SORL1: variants seen among roughly 807,000 people sequenced by gnomAD.
SORL1 encodes sortilin-related receptor.
A neutral mutation model predicts 273.7 loss-of-function variants in SORL1; 127 were observed. That is an observed-to-expected ratio of 0.46 (90% CI 0.40 to 0.54). SORL1 has a LOEUF of 0.54. Among genes scored for constraint, SORL1 ranks in the 20% least tolerant of loss-of-function variants. SORL1 has a pLI of 0.00. For missense variants in SORL1, 2,494 were observed against 2,846.1 expected (o/e 0.88, Z 2.81); for synonymous variants, 1,031 against 1,067.4 (o/e 0.97, Z 0.66).
chr11:121,550,174 A>G lies in SORL1; in HGVS notation c.2180+86A>G. ...CATAGAGGACCGTCTGGATTGCTCT[A>G]CACTCGAAATTCTAGAATTCCAAGT... On this transcript the variant is annotated intron_variant, in intron 15 of 47. Coordinates refer to ENST00000260197, the MANE Select transcript of SORL1 (RefSeq NM_003105.6). This position sits in a 1 kb window ranked among gnomAD's most constrained non-coding sequence, Gnocchi z 5.3. 2.2e-6 allele frequency: 3 copies of G among 1,367,916 alleles called. No individual in the cohort carries two copies. The highest frequency in any genetic ancestry group is 3.0e-6 in the Non-Finnish European group (3 of 1,012,820). The allele number at this position is 1,367,916 out of a possible 1,614,324, so 84.7% of individuals were successfully genotyped here.
intron 27 of SORL1, among the ~76,000 whole-genome samples, chr11:121,587,448 G>A (rs1485056403): frequency 2.6e-5 from 4 of 152,184 alleles, no homozygotes; most frequent in Non-Finnish European, 4.4e-5. Context: ...CATTCCTGGT[G>A]TCTCTCTCTT....
chr11:121,586,442 A>G (rs1348813165), intron 27 of SORL1, 113 bp downstream of exon 27: 3 of 818,646 alleles, frequency 3.7e-6, no homozygotes, highest in South Asian at 2.8e-5. Flanking sequence ...GTTAGCTTTT[A>G]ACTGAGTTGA....
chr11:121,541,000 G>A (rs1381530714), intron 12 of SORL1, among the ~76,000 whole-genome samples: 1 of 152,198 alleles, frequency 6.6e-6, no homozygotes, highest in African/African-American at 2.4e-5. Context: ...CTTCACACTG[G>A]TTACAAGAAG....
chr11:121,555,556 AT>A (rs1394933596), intron 18 of SORL1, among the ~76,000 whole-genome samples: 2 of 151,988 alleles, frequency 1.3e-5, no homozygotes, highest in Admixed American at 1.3e-4. Context: ...TAATATTTTT[AT>A]TTTATTTATA....
At chr11:121,559,141 C>G (rs944044219) in intron 20 of SORL1, among the ~76,000 whole-genome samples, 3 of 152,098 alleles carry the variant, frequency 2.0e-5, no homozygotes, top group Non-Finnish European at 4.4e-5. Context: ...ATTTTTTGTG[C>G]GCTTTGCTCA....
rs1863674653 is a variant in SORL1 at position 121,618,694 on chromosome 11, G to A, written c.5605-80G>A. 2.5e-5 allele frequency: 38 copies of A among 1,550,586 alleles called. No individual in the cohort carries two copies. In the South Asian group the frequency reaches 4.2e-4, roughly 17 times the overall value. ...GTGAGCTCTTTTGAAGCAGTTCCAG[G>A]GTCTTAAATTGGGGATTTCAAGGAA... On this transcript the variant is annotated intron_variant, in intron 41 of 47. Coordinates refer to ENST00000260197, the MANE Select transcript of SORL1 (RefSeq NM_003105.6).
In SORL1 at chr11:121,619,822, A is replaced by G; in HGVS notation, c.5794A>G (p.Arg1932Gly). Residue 1932 changes from arginine (R) to glycine (G), a missense_variant, in exon 43 of 48, where the codon AGG (arginine) becomes GGG (glycine). Arg to Gly is a moderately radical substitution (Grantham distance 125, BLOSUM62 -2). Coordinates refer to ENST00000260197, the MANE Select transcript of SORL1 (RefSeq NM_003105.6). ...YVVVKMIPDSRLPPRHLHVVH... is the reference protein window; with the variant it reads ...YVVVKMIPDSGLPPRHLHVVH... ...TGTAGTGAAGATGATCCCGGACAGC[A>G]GGCTTCCACCCCGTCACCTGCATGT... 6.2e-7 allele frequency: 1 copy of G among 1,614,128 alleles called. No homozygotes were observed. The highest frequency in any genetic ancestry group is 8.5e-7 in the Non-Finnish European group (1 of 1,179,962).
chr11:121,548,107 C>G (rs1472269761), intron 14 of SORL1, among the ~76,000 whole-genome samples: 1 of 152,236 alleles, frequency 6.6e-6, no homozygotes, highest in African/African-American at 2.4e-5. Flanking sequence ...CCTGTACTTA[C>G]ATATGTACGT....
Position 121,569,194 on chromosome 11 carries a change from G to A in SORL1, c.3224-963G>A, listed in dbSNP as rs573046731. ...GTCTTTACTTTAATCTCTTAATCCC[G>A]TCATCTTCGTAAGCTGAGGAGGATG... On this transcript the variant is annotated intron_variant, in intron 22 of 47. Transcript: ENST00000260197. Among the ~76,000 whole-genome samples, 21 of 152,162 alleles carry A rather than the reference G, an allele frequency of 1.4e-4. No individual in the cohort carries two copies. The South Asian group carries it at 3.5e-3, about 26-fold the overall frequency.
rs553005189 is a variant in SORL1, at chr11:121,508,679, A to G, written c.940-4324A>G. Reference sequence around the variant, plus strand: ...TGTGAGGCTGTGGGTTTCCAAGGCTACCACAGAGCTAGAGAGAGGGGGATG... The same window carrying G: ...TGTGAGGCTGTGGGTTTCCAAGGCTGCCACAGAGCTAGAGAGAGGGGGATG... On this transcript the variant is annotated intron_variant, in intron 6 of 47. Coordinates refer to ENST00000260197, the MANE Select transcript of SORL1 (RefSeq NM_003105.6). Among the ~76,000 whole-genome samples, 46 of 152,324 alleles carry G rather than the reference A, an allele frequency of 3.0e-4. 1 individual carries two copies. In the South Asian group the frequency reaches 8.9e-3, roughly 29 times the overall value.
rs1040669433 is a variant in SORL1, at chr11:121,554,182, A to G, written c.2439+73A>G. 8.7e-6 allele frequency: 12 copies of G among 1,375,966 alleles called. No individual in the cohort carries two copies. The highest frequency in any genetic ancestry group is 1.1e-5 in the Non-Finnish European group (11 of 997,206). 85.2% of individuals were successfully genotyped at this position (1,375,966 alleles called of 1,614,324 possible). On this transcript the variant is annotated intron_variant, in intron 17 of 47. Coordinates refer to ENST00000260197, the MANE Select transcript of SORL1 (RefSeq NM_003105.6). The surrounding 1 kb of genome is among the most constrained non-coding windows in gnomAD (Gnocchi z 4.6). ...CCTGTCCTGATAAGCTGCATGCAGA[A>G]TGGCCTATGGAAATGGGCAGTTAGA...
intron 44 of SORL1, 93 bp downstream of exon 44, chr11:121,621,331 T>G (rs767051695): frequency 8.6e-7 from 1 of 1,169,124 alleles, no homozygotes. Flanking sequence ...ATTAGGCGTT[T>G]GTTTCACAGG....
intron 43 of SORL1, among the ~76,000 whole-genome samples, chr11:121,620,310 G>A (rs1347246980): frequency 6.6e-6 from 1 of 152,144 alleles, no homozygotes; most frequent in Non-Finnish European, 1.5e-5. Context: ...CCACTTTCAT[G>A]CAATGATCAG....
chr11:121,569,048 C>T (rs1490998984), intron 22 of SORL1, among the ~76,000 whole-genome samples: 1 of 152,168 alleles, frequency 6.6e-6, no homozygotes, highest in Non-Finnish European at 1.5e-5. Flanking sequence ...ATTAGTTCCC[C>T]AAATTAATAC....
chr11:121,628,755 A>G (rs1591360465), intron 47 of SORL1: 1 of 152,342 alleles, frequency 6.6e-6, no homozygotes, highest in Non-Finnish European at 1.5e-5. Flanking sequence ...TGAATGTACA[A>G]GTTTATTTCT....
intron 14 of SORL1, among the ~76,000 whole-genome samples, chr11:121,546,588 G>A (rs1271675171): frequency 2.0e-5 from 3 of 152,166 alleles, no homozygotes; most frequent in Non-Finnish European, 2.9e-5. Context: ...CTTGACTAAA[G>A]CCAGAAACCT....
At chr11:121,624,006 A>G (rs566595603) in intron 45 of SORL1, among the ~76,000 whole-genome samples, 16 of 152,356 alleles carry the variant, frequency 1.1e-4, no homozygotes, top group Middle Eastern at 3.4e-3. Context: ...ATGGCGGCAG[A>G]CAAAGAGAGA....
At chr11:121,549,468 A>G (rs889535285) in intron 14 of SORL1, among the ~76,000 whole-genome samples, 23 of 152,002 alleles carry the variant, frequency 1.5e-4, no homozygotes, top group African/African-American at 4.8e-4. Flanking sequence ...CTTAAACAAT[A>G]TGTCTGCCTT....
chr11:121,592,854 G>A (rs1863236678), intron 31 of SORL1, among the ~76,000 whole-genome samples: 1 of 152,190 alleles, frequency 6.6e-6, no homozygotes, highest in Admixed American at 6.5e-5. Flanking sequence ...TTTGCTTATT[G>A]AAACTCTGAC....
Sources: gnomAD v4.1 joint callset for allele counts (sites outside exome capture counted in the v4.1 genomes callset) on GRCh38, gnomAD v4.1.1 for gene constraint, Gnocchi (gnomAD v3.1) non-coding constraint, MANE v1.5 for transcripts, NCBI Gene and HGNC (gene_info 2026-07-23, HGNC 2026-07-21) for gene names.